The following PDGFC variants were observed in gnomAD, a reference collection of about 807,000 sequenced individuals.
The protein encoded by PDGFC is platelet derived growth factor C.
A neutral mutation model predicts 35.5 loss-of-function variants in PDGFC; 12 were observed. That is an observed-to-expected ratio of 0.34 (90% confidence interval 0.22 to 0.55). The LOEUF (loss-of-function observed/expected upper bound fraction) is 0.55. Ranked by LOEUF, PDGFC falls within the 20% of genes least tolerant of loss-of-function variation. The pLI is 0.91. For synonymous variants in PDGFC, 159 were observed against 148.8 expected (o/e 1.07, Z -0.50); for missense variants, 322 against 412.4 (o/e 0.78, Z 1.90).
At chr4:156,846,833 C>T (rs1041238994) in intron 2 of PDGFC, among the ~76,000 whole-genome samples, 6 of 151,392 alleles carry the variant, frequency 4.0e-5, no homozygotes, top group Non-Finnish European at 8.9e-5. Flanking sequence ...AAAATAAAAA[C>T]GAAGGAAAGC....
intron 2 of PDGFC, among the ~76,000 whole-genome samples, chr4:156,832,187 C>G (rs1728951037): frequency 1.3e-5 from 2 of 149,616 alleles, no homozygotes; most frequent in Non-Finnish European, 3.0e-5. Flanking sequence ...TTTCTCCACA[C>G]CACTTCAAGG....
At chr4:156,965,263 A>C (rs1306981726) in intron 1 of PDGFC, among the ~76,000 whole-genome samples, 1 of 152,150 alleles carries the variant, frequency 6.6e-6, no homozygotes, top group Non-Finnish European at 1.5e-5. Context: ...TAAGATACTA[A>C]CTACCTCCAG....
At chr4:156,772,991 T>A in intron 3 of PDGFC, 98 bp from the exon 4 acceptor site, 1 of 761,558 alleles carries the variant, frequency 1.3e-6, no homozygotes, top group South Asian at 1.6e-5. Context: ...GCTGGAAATA[T>A]GTGTGAAGGG....
At chr4:156,772,947 T>C in intron 3 of PDGFC, 54 bp from the exon 4 acceptor site, 4 of 1,188,084 alleles carry the variant, frequency 3.4e-6, no homozygotes, top group Non-Finnish European at 5.0e-6. Context: ...AATGTATTCC[T>C]TCTGGACATA....
At chr4:156,779,079 A>T in intron 3 of PDGFC, 1 of 455,610 alleles carries the variant, frequency 2.2e-6, no homozygotes, top group Non-Finnish European at 4.4e-6. Flanking sequence ...TATTGTACAG[A>T]GGTCTTACTT....
chr4:156,921,018 T>C (rs974454532), intron 1 of PDGFC, among the ~76,000 whole-genome samples: 3 of 152,194 alleles, frequency 2.0e-5, no homozygotes, highest in African/African-American at 7.2e-5. Flanking sequence ...TCTTGAATGC[T>C]ATGAATGTGA....
intron 3 of PDGFC, among the ~76,000 whole-genome samples, chr4:156,789,976 CAAAAAAAAA>C (rs750843965): frequency 1.8e-5 from 1 of 55,952 alleles, no homozygotes; most frequent in Non-Finnish European, 3.3e-5. Context: ...GTCTCCATCT[CAAAAAAAAA>C]AAAAAAAAAA....
At chr4:156,924,201 C>A (rs1731353452) in intron 1 of PDGFC, among the ~76,000 whole-genome samples, 1 of 152,142 alleles carries the variant, frequency 6.6e-6, no homozygotes, top group Non-Finnish European at 1.5e-5. Flanking sequence ...ATTTCAATAG[C>A]ACACAGTCAA....
At chr4:156,904,272 A>G (rs1730862155) in intron 1 of PDGFC, among the ~76,000 whole-genome samples, 3 of 152,044 alleles carry the variant, frequency 2.0e-5, no homozygotes, top group Admixed American at 2.0e-4. Flanking sequence ...AAAGCTGGAA[A>G]AAGGAAAGAG....
At chr4:156,830,413 A>G (rs1246334420) in intron 2 of PDGFC, among the ~76,000 whole-genome samples, 2 of 152,130 alleles carry the variant, frequency 1.3e-5, no homozygotes, top group African/African-American at 4.8e-5. Flanking sequence ...CCCCACCATG[A>G]CCTTCAGTTC....
intron 3 of PDGFC, among the ~76,000 whole-genome samples, chr4:156,775,111 T>C (rs1049632387): frequency 6.6e-5 from 10 of 152,146 alleles, no homozygotes; most frequent in African/African-American, 2.2e-4. Flanking sequence ...TTTTCTATAA[T>C]TGTCCAAGGA....
chr4:156,928,052 G>A (rs553189588), intron 1 of PDGFC, among the ~76,000 whole-genome samples: 15 of 152,178 alleles, frequency 9.9e-5, no homozygotes, highest in East Asian at 3.9e-4. Context: ...CGGAAACCCC[G>A]ATAAAACCAT....
At chr4:156,920,454 T>A (rs970602895) in intron 1 of PDGFC, among the ~76,000 whole-genome samples, 8 of 152,266 alleles carry the variant, frequency 5.3e-5, no homozygotes, top group African/African-American at 1.9e-4. Context: ...TGAACAAAGA[T>A]GAGTCTGCCT....
intron 2 of PDGFC, among the ~76,000 whole-genome samples, chr4:156,849,253 G>A (rs1054228859): frequency 6.6e-6 from 1 of 151,952 alleles, no homozygotes; most frequent in Non-Finnish European, 1.5e-5. Flanking sequence ...AATTATAGAT[G>A]TAAGGAAAAA....
rs535633900 is a variant in PDGFC at position 156,822,019 on chromosome 4, A to C, written c.315-11002T>G. Among the ~76,000 whole-genome samples the C allele has an allele frequency of 8.5e-5, 13 of 152,244 alleles. No individual in the cohort carries two copies. The South Asian group carries it at 2.3e-3, about 27-fold the overall frequency. On this transcript the variant is annotated intron_variant, in intron 2 of 5. Coordinates refer to ENST00000502773, the MANE Select transcript of PDGFC (RefSeq NM_016205.3). Reference sequence around the variant, plus strand: ...TTAGGACCAATATACAAATATCAAAAATTTTTCTTTAAGACAGAGAAAAAC... The same window carrying C: ...TTAGGACCAATATACAAATATCAAACATTTTTCTTTAAGACAGAGAAAAAC...
chr4:156,877,302 A>T (rs188731581), intron 1 of PDGFC, among the ~76,000 whole-genome samples: 1 of 152,256 alleles, frequency 6.6e-6, no homozygotes, highest in East Asian at 1.9e-4. Context: ...AATGTACAAT[A>T]AAATACTGTC....
intron 1 of PDGFC, among the ~76,000 whole-genome samples, chr4:156,850,776 C>T (rs1211639301): frequency 6.6e-6 from 1 of 151,790 alleles, no homozygotes; most frequent in Non-Finnish European, 1.5e-5. Flanking sequence ...TAAAAATACA[C>T]TAGATATAAT....
At position 156,813,500 on chromosome 4, in the gene PDGFC, G is replaced by A. The variant is rs72683339; in HGVS notation, c.315-2483C>T. On this transcript the variant is annotated intron_variant, in intron 2 of 5. Coordinates refer to ENST00000502773, the MANE Select transcript of PDGFC (RefSeq NM_016205.3). Reference sequence around the variant, plus strand: ...TCAGCTTACAAAGGACTTGACACTTGGGCTTTCAGAGTATTGACTGACAAG... The same window carrying A: ...TCAGCTTACAAAGGACTTGACACTTAGGCTTTCAGAGTATTGACTGACAAG... Among the ~76,000 whole-genome samples, 851 of 152,200 alleles carry A rather than the reference G, an allele frequency of 5.6e-3. 3 individuals are homozygous for A. Among genetic ancestry groups the A allele is most frequent in the Middle Eastern group, 0.017 (5 of 294 alleles).
chr4:156,900,069 T>C lies in PDGFC; in HGVS notation c.119-49653A>G, dbSNP rs1730729851. Among the ~76,000 whole-genome samples, 3 of 152,192 alleles carry C rather than the reference T, an allele frequency of 2.0e-5. No homozygotes were observed. In the South Asian group the frequency reaches 6.2e-4, roughly 32 times the overall value. ...TATATTAAAGTAATAAACAGAAAAC[T>C]TGAATCAAAGATATGTGAAACTTAA... On this transcript the variant is annotated intron_variant, in intron 1 of 5. Coordinates refer to ENST00000502773, the MANE Select transcript of PDGFC (RefSeq NM_016205.3).
Sources: gnomAD v4.1 joint callset for allele counts (sites outside exome capture counted in the v4.1 genomes callset) on GRCh38, gnomAD v4.1.1 for gene constraint, MANE v1.5 for transcripts, NCBI Gene and HGNC (gene_info 2026-07-23, HGNC 2026-07-21) for gene names.